ARMH3: variants seen among roughly 807,000 people sequenced by gnomAD.
ARMH3 encodes the protein armadillo like helical domain containing 3, also known as armadillo-like helical domain-containing protein 3.
Under a neutral mutation model 99.1 loss-of-function variants are expected in ARMH3, and 60 were observed. The observed-to-expected ratio is 0.61, with a 90% CI of 0.49 to 0.75. ARMH3 has a LOEUF of 0.75. ARMH3 is among the 30% of genes least tolerant of loss of function. The pLI is 0.00. For missense variants in ARMH3, 679 were observed against 843.1 expected, an observed-to-expected ratio of 0.81 and a Z score of 2.41; for synonymous variants, 285 against 292.8, an observed-to-expected ratio of 0.97 and a Z score of 0.27.
intron 23 of ARMH3, among the ~76,000 whole-genome samples, chr10:101,907,842 GATTTCTCT>G (rs1842702468): frequency 6.6e-6 from 1 of 152,126 alleles, no homozygotes. Context: ...ACAATGTGTT[GATTTCTCT>G]ATTTTTAGAA....
chr10:101,987,008 A>AG (rs1846541767), intron 19 of ARMH3, among the ~76,000 whole-genome samples: 1 of 152,204 alleles, frequency 6.6e-6, no homozygotes, highest in African/African-American at 2.4e-5. Context: ...GTTATGAACA[A>AG]GGGCGAGGAG....
chr10:102,010,029 G>T lies in ARMH3; in HGVS notation c.832-6C>A. On this transcript the variant is annotated splice_region_variant and splice_polypyrimidine_tract_variant and intron_variant, in intron 11 of 25. Transcript: ENST00000370033. ...GCTATGAACATGCTGCCCACCTGTGGAAGAAAAGGGGAATTGCAAACTTAT... is the reference window on the plus strand; with the variant it reads ...GCTATGAACATGCTGCCCACCTGTGTAAGAAAAGGGGAATTGCAAACTTAT... The T allele has an allele frequency of 6.2e-7, 1 of 1,613,650 alleles. No individual in the cohort carries two copies. The highest frequency in any genetic ancestry group is 1.1e-5 in the South Asian group (1 of 91,048).
intron 24 of ARMH3, among the ~76,000 whole-genome samples, chr10:101,873,388 G>C (rs2067181710): frequency 6.6e-6 from 1 of 151,894 alleles, no homozygotes; most frequent in Non-Finnish European, 1.5e-5. Context: ...CTCCAGCCTG[G>C]GGGACAGGGC....
chr10:102,033,569 C>A (rs942493140), intron 2 of ARMH3: 3 of 425,784 alleles, frequency 7.0e-6, no homozygotes, highest in Non-Finnish European at 1.2e-5. Context: ...CAGGCGCCCA[C>A]CACCTCGCCC....
chr10:101,909,224 T>C (rs1384150824), intron 23 of ARMH3, among the ~76,000 whole-genome samples: 3 of 151,360 alleles, frequency 2.0e-5, no homozygotes, highest in Non-Finnish European at 4.4e-5. Context: ...CTGGGCAACA[T>C]GGCAAAACTC....
At chr10:101,968,732 G>A (rs1418249561) in intron 20 of ARMH3, among the ~76,000 whole-genome samples, 1 of 152,196 alleles carries the variant, frequency 6.6e-6, no homozygotes, top group Non-Finnish European at 1.5e-5. Flanking sequence ...TTTCTGAGGG[G>A]ATGAGAGAAA....
rs370456539 is a variant in ARMH3 at position 101,873,072 on chromosome 10, C to T, written c.1860+16340G>A. On this transcript the variant is annotated intron_variant, in intron 24 of 25. Transcript: ENST00000370033. ...GGTGTAGTTGGAACTTTCGTATGTT[C>T]GTTGATTGGAATGAGAAATGGTAGA... 9.2e-5 allele frequency among the ~76,000 whole-genome samples: 14 copies of T among 151,838 alleles called. No individual in the cohort carries two copies. In the East Asian group the frequency reaches 1.9e-3, roughly 21 times the overall value.
chr10:101,965,696 C>T (rs770039991), intron 20 of ARMH3, among the ~76,000 whole-genome samples: 2 of 152,186 alleles, frequency 1.3e-5, no homozygotes, highest in Non-Finnish European at 2.9e-5. Context: ...ACATTAAATA[C>T]GTTTAAGTTG....
intron 1 of ARMH3, among the ~76,000 whole-genome samples, chr10:102,055,251 C>T (rs564820023): frequency 2.0e-5 from 3 of 151,932 alleles, no homozygotes; most frequent in African/African-American, 7.2e-5. Context: ...AAGCCGAGAT[C>T]GGGCAACTGC....
intron 1 of ARMH3, among the ~76,000 whole-genome samples, chr10:102,055,444 T>C (rs531026916): frequency 6.6e-6 from 1 of 152,320 alleles, no homozygotes; most frequent in African/African-American, 2.4e-5. Context: ...GCAGCACGCC[T>C]CAGCTTCTCC....
intron 23 of ARMH3, among the ~76,000 whole-genome samples, chr10:101,912,265 C>T (rs1216696236): frequency 2.6e-5 from 4 of 151,536 alleles, no homozygotes; most frequent in Non-Finnish European, 2.9e-5. Flanking sequence ...TGGTGGTGGG[C>T]GCTTGTAATT....
chr10:101,900,674 C>T (rs1038266892), intron 23 of ARMH3, among the ~76,000 whole-genome samples: 12 of 152,032 alleles, frequency 7.9e-5, no homozygotes, highest in African/African-American at 1.9e-4. Flanking sequence ...CTTCTTTTCC[C>T]GTCACTTCAA....
chr10:102,041,725 A>C (rs946138221), intron 1 of ARMH3, among the ~76,000 whole-genome samples: 2 of 151,218 alleles, frequency 1.3e-5, no homozygotes, highest in Non-Finnish European at 2.9e-5. Context: ...ATCTCAGCTT[A>C]CTGAAACCTG....
chr10:101,969,734 AG>A (rs1255528071), intron 20 of ARMH3, among the ~76,000 whole-genome samples: 1 of 152,190 alleles, frequency 6.6e-6, no homozygotes, highest in East Asian at 1.9e-4. Flanking sequence ...CTGGGGGCTT[AG>A]GGGGCCTTTC....
intron 1 of ARMH3, among the ~76,000 whole-genome samples, chr10:102,052,583 T>C (rs1260896116): frequency 6.6e-6 from 1 of 152,114 alleles, no homozygotes; most frequent in Non-Finnish European, 1.5e-5. Flanking sequence ...TAAACTGATT[T>C]CCTGCTACTT....
chr10:101,954,559 T>C (rs184987223), intron 22 of ARMH3, among the ~76,000 whole-genome samples: 2 of 152,216 alleles, frequency 1.3e-5, no homozygotes, highest in Non-Finnish European at 2.9e-5. Context: ...ATGAAATTTT[T>C]TGGATAGTGA....
At chr10:101,941,317 T>C (rs2135721450) in intron 22 of ARMH3, among the ~76,000 whole-genome samples, 1 of 152,300 alleles carries the variant, frequency 6.6e-6, no homozygotes, top group Admixed American at 6.5e-5. Context: ...ACATAGTAAA[T>C]AAGTTTTAGC....
At chr10:101,883,059 T>C (rs1397288910) in intron 24 of ARMH3, among the ~76,000 whole-genome samples, 1 of 152,180 alleles carries the variant, frequency 6.6e-6, no homozygotes, top group East Asian at 1.9e-4. Flanking sequence ...CTCTAGCACG[T>C]ACGTGGATGC....
At chr10:101,958,123 T>G (rs1845121925) in intron 20 of ARMH3, among the ~76,000 whole-genome samples, 1 of 152,176 alleles carries the variant, frequency 6.6e-6, no homozygotes, top group African/African-American at 2.4e-5. Context: ...TAGCTTCTAT[T>G]GTCATCAAGC....
Sources: gnomAD v4.1 joint callset for allele counts (sites outside exome capture counted in the v4.1 genomes callset) on GRCh38, gnomAD v4.1.1 for gene constraint, MANE v1.5 for transcripts, NCBI Gene and HGNC (gene_info 2026-07-23, HGNC 2026-07-21) for gene names.